Variants in SUGCT observed in about 807,000 individuals in gnomAD.
SUGCT encodes succinyl-CoA:glutarate CoA-transferase.
Under a neutral mutation model 55.0 loss-of-function variants are expected in SUGCT, and 41 were observed. That is an observed-to-expected ratio of 0.74 (90% CI 0.58 to 0.97). The LOEUF (loss-of-function observed/expected upper bound fraction) is 0.97. Ranked by LOEUF, SUGCT falls within the 50% of genes least tolerant of loss-of-function variation. SUGCT has a pLI of 0.00. For missense variants in SUGCT, 568 were observed against 547.8 expected (o/e 1.04, Z -0.37); for synonymous variants, 187 against 200.4 (o/e 0.93, Z 0.56).
intron 13 of SUGCT, among the ~76,000 whole-genome samples, chr7:40,778,067 A>C (rs1010616390): frequency 1.5e-4 from 23 of 152,204 alleles, no homozygotes; most frequent in East Asian, 1.9e-4. Flanking sequence ...TTAGTTTGCC[A>C]GTTCTCAATT....
At chr7:40,294,277 G>A (rs1235012461) in intron 8 of SUGCT, among the ~76,000 whole-genome samples, 1 of 151,982 alleles carries the variant, frequency 6.6e-6, no homozygotes, top group Admixed American at 6.6e-5. Flanking sequence ...CTTGATAACT[G>A]TGTGGATACA....
At chr7:40,551,286 C>T (rs1020002602) in intron 12 of SUGCT, among the ~76,000 whole-genome samples, 1 of 152,158 alleles carries the variant, frequency 6.6e-6, no homozygotes, top group Non-Finnish European at 1.5e-5. Context: ...GGTTTAAGTA[C>T]GTTTCTGCTG....
At position 40,851,408 on chromosome 7, in the gene SUGCT, G is replaced by A. The variant is rs578110806; in HGVS notation, c.1154-8908G>A. Among the ~76,000 whole-genome samples, 8 of 152,288 alleles carry A rather than the reference G, an allele frequency of 5.3e-5. No individual in the cohort carries two copies. The South Asian group carries it at 6.2e-4, about 12-fold the overall frequency. The stretch of plus-strand genomic sequence containing the variant: ...ATGTCGGGTGAGGTATGCAGTAAGC[G>A]TTCATTAAATAGTAGTTTTAGATGT... On this transcript the variant is annotated intron_variant, in intron 13 of 13. Transcript: ENST00000335693.
chr7:40,482,347 T>C (rs975202068), intron 11 of SUGCT, among the ~76,000 whole-genome samples: 5 of 152,080 alleles, frequency 3.3e-5, no homozygotes, highest in African/African-American at 1.2e-4. Context: ...AATATACATT[T>C]GTTACAGAAT....
the SUGCT span, among the ~76,000 whole-genome samples, chr7:40,968,815 G>A: frequency 6.6e-6 from 1 of 152,148 alleles, no homozygotes; most frequent in Non-Finnish European, 1.5e-5. Context: ...CTGTGGCTGA[G>A]CTGCTACAGG....
At chr7:40,736,221 T>A (rs1787146513) in intron 12 of SUGCT, among the ~76,000 whole-genome samples, 1 of 130,646 alleles carries the variant, frequency 7.7e-6, no homozygotes, top group Non-Finnish European at 1.6e-5. Flanking sequence ...TATAATATAT[T>A]ATAATATATC....
At chr7:40,458,338 T>C (rs1789599216) in intron 10 of SUGCT, among the ~76,000 whole-genome samples, 1 of 152,224 alleles carries the variant, frequency 6.6e-6, no homozygotes, top group African/African-American at 2.4e-5. Flanking sequence ...ATCCACTTGG[T>C]ACTTTCATTA....
chr7:40,924,851 T>C, the SUGCT span, among the ~76,000 whole-genome samples: 1 of 152,238 alleles, frequency 6.6e-6, no homozygotes, highest in African/African-American at 2.4e-5. Context: ...AAGGTGAACT[T>C]TCTTCATTCA....
intron 8 of SUGCT, among the ~76,000 whole-genome samples, chr7:40,291,833 G>A (rs773694657): frequency 2.0e-5 from 3 of 152,150 alleles, no homozygotes; most frequent in Non-Finnish European, 4.4e-5. Context: ...ATGGTAGCAA[G>A]AAGTTGAAGT....
intron 12 of SUGCT, among the ~76,000 whole-genome samples, chr7:40,562,056 T>C (rs1795869022): frequency 6.7e-6 from 1 of 149,346 alleles, no homozygotes; most frequent in African/African-American, 2.5e-5. Context: ...TCCCAGCACT[T>C]TGGGAGGCTG....
At chr7:40,284,179 G>A (rs569821851) in intron 8 of SUGCT, among the ~76,000 whole-genome samples, 11 of 152,050 alleles carry the variant, frequency 7.2e-5, no homozygotes, top group Non-Finnish European at 1.2e-4. Context: ...ATGGTCAAAG[G>A]GGCAAAGTTT....
chr7:40,789,543 G>A (rs1352981290), intron 13 of SUGCT, among the ~76,000 whole-genome samples: 1 of 152,064 alleles, frequency 6.6e-6, no homozygotes, highest in Non-Finnish European at 1.5e-5. Flanking sequence ...TGGACATTTA[G>A]TTTGTTTCTT....
the SUGCT span, among the ~76,000 whole-genome samples, chr7:40,936,359 T>C: frequency 6.4e-4 from 97 of 151,898 alleles, no homozygotes; most frequent in South Asian, 7.7e-3. Flanking sequence ...TTCAGATAGG[T>C]AATCAAAAAT....
chr7:40,204,458 A>G (rs1047435648), intron 6 of SUGCT, among the ~76,000 whole-genome samples: 1 of 151,920 alleles, frequency 6.6e-6, no homozygotes, highest in Non-Finnish European at 1.5e-5. Flanking sequence ...GCCCGCCACC[A>G]TGCCCGACTA....
chr7:40,479,254 C>T (rs950006468), intron 11 of SUGCT, among the ~76,000 whole-genome samples: 2 of 152,094 alleles, frequency 1.3e-5, no homozygotes, highest in Non-Finnish European at 2.9e-5. Context: ...TCATGTACCA[C>T]ATAACAGTGT....
At chr7:40,675,032 T>C (rs1783892786) in intron 12 of SUGCT, among the ~76,000 whole-genome samples, 1 of 151,840 alleles carries the variant, frequency 6.6e-6, no homozygotes, top group African/African-American at 2.4e-5. Flanking sequence ...TAGATAATTA[T>C]ATGTAATATT....
At chr7:40,391,384 T>C (rs1446607020) in intron 9 of SUGCT, among the ~76,000 whole-genome samples, 2 of 152,132 alleles carry the variant, frequency 1.3e-5, no homozygotes, top group African/African-American at 2.4e-5. Flanking sequence ...AATCTACCCG[T>C]CTGACAAAGG....
intron 6 of SUGCT, 83 bp downstream of exon 6, chr7:40,195,143 C>CT (rs11326652): frequency 0.021 from 22,571 of 1,068,954 alleles, 3 homozygotes; most frequent in Non-Finnish European, 0.023. Flanking sequence ...CTTTTGCTGG[C>CT]TTTTTTTTTT....
intron 9 of SUGCT, among the ~76,000 whole-genome samples, chr7:40,345,389 G>A (rs1438178710): frequency 1.3e-5 from 2 of 152,000 alleles, no homozygotes; most frequent in African/African-American, 4.8e-5. Flanking sequence ...ACAATACATG[G>A]TATCATTTTG....
Sources: allele counts gnomAD v4.1 joint callset (sites outside exome capture counted in the v4.1 genomes callset), GRCh38; gene constraint gnomAD v4.1.1; transcripts MANE v1.5; gene names NCBI Gene and HGNC (gene_info 2026-07-23, HGNC 2026-07-21).